The following LGMN variants were observed in gnomAD, a reference collection of about 807,000 sequenced individuals.
LGMN encodes the protein asparaginyl endopeptidase.
In LGMN, 36 loss-of-function variants were observed where a neutral mutation model predicts 56.8. The observed-to-expected ratio is 0.63, with a 90% CI of 0.49 to 0.84. The LOEUF (loss-of-function observed/expected upper bound fraction) is 0.84, where lower values mean the gene tolerates loss of function less well. Ranked by LOEUF, LGMN falls within the 40% of genes least tolerant of loss-of-function variation. The pLI is 0.00. For synonymous variants in LGMN, 199 were observed against 210.1 expected, an observed-to-expected ratio of 0.95 and a Z score of 0.46; for missense variants, 446 against 556.1, an observed-to-expected ratio of 0.80 and a Z score of 1.99.
chr14:92,720,152 C>T (rs186431861), intron 2 of LGMN, among the ~76,000 whole-genome samples: 4 of 152,242 alleles, frequency 2.6e-5, no homozygotes, highest in Admixed American at 6.5e-5. Context: ...CACTCAAGAG[C>T]GATTAGATGA....
Position 92,718,838 on chromosome 14 carries a change from C to T in LGMN, c.145G>A (p.Ala49Thr), listed in dbSNP as rs1172792499. ...GWYNYRHQAD[A>T]CHAYQIIHRN... The stretch of plus-strand genomic sequence containing the variant: ...TGAATGATCTGGTAGGCATGGCACG[C>T]GTCTGCCTGGGAGAAATGATTTGGT... Residue 49 changes from alanine (A) to threonine (T), a missense_variant, in exon 3 of 14, where the codon GCG becomes ACG. Ala to Thr is a moderately conservative substitution (Grantham distance 58). Coordinates refer to ENST00000334869, the MANE Select transcript of LGMN (RefSeq NM_005606.7). The T allele has an allele frequency of 8.1e-6, 13 of 1,611,356 alleles. No individual in the cohort carries two copies. The highest frequency in any genetic ancestry group is 1.3e-5 in the African/African-American group (1 of 74,836).
chr14:92,734,210 G>A (rs529054741), intron 1 of LGMN, among the ~76,000 whole-genome samples: 1 of 152,334 alleles, frequency 6.6e-6, no homozygotes, highest in African/African-American at 2.4e-5. Context: ...TAGGGTCTGA[G>A]AGCAATGACC....
chr14:92,710,110 G>A (rs1168098781), intron 10 of LGMN, among the ~76,000 whole-genome samples: 1 of 152,172 alleles, frequency 6.6e-6, no homozygotes, highest in Non-Finnish European at 1.5e-5. Flanking sequence ...CAATGCACGG[G>A]AGCCCCTGAA....
intron 1 of LGMN, among the ~76,000 whole-genome samples, chr14:92,744,886 G>A (rs1478237039): frequency 6.6e-6 from 1 of 152,110 alleles, no homozygotes; most frequent in African/African-American, 2.4e-5. Context: ...GAGCCACCGC[G>A]CCTGGCCTAT....
chr14:92,726,469 G>C (rs578248048), intron 2 of LGMN, among the ~76,000 whole-genome samples: 58 of 152,234 alleles, frequency 3.8e-4, no homozygotes, highest in African/African-American at 1.4e-3. Context: ...CCCCAGTCTT[G>C]AGCCAGACAG....
chr14:92,739,163 TA>T (rs1891439395), intron 1 of LGMN, among the ~76,000 whole-genome samples: 1 of 152,198 alleles, frequency 6.6e-6, no homozygotes, highest in Non-Finnish European at 1.5e-5. Flanking sequence ...TCAAAGTAGC[TA>T]CCTTACATGC....
chr14:92,744,199 C>T (rs1242098), intron 1 of LGMN, among the ~76,000 whole-genome samples: 3 of 151,888 alleles, frequency 2.0e-5, no homozygotes, highest in Admixed American at 2.0e-4. Context: ...TACTCAGCTT[C>T]GTTTATTGTT....
Position 92,706,508 on chromosome 14 carries a change from T to C in LGMN, c.1166A>G (p.His389Arg), listed in dbSNP as rs1331271414. Residue 389 changes from histidine to arginine, a missense_variant, in exon 12 of 14, where the codon CAC becomes CGC. Coordinates refer to ENST00000334869, the MANE Select transcript of LGMN (RefSeq NM_005606.7). ...YPEALLHFRT[H>R]CFNWHSPTYE... ...CGTGGGGGAGTGCCAGTTGAAGCAGTGGGTCCGGAAGTGCAGCAGGGCCTC... is the reference window on the plus strand; with the variant it reads ...CGTGGGGGAGTGCCAGTTGAAGCAGCGGGTCCGGAAGTGCAGCAGGGCCTC... 3 of 1,559,974 alleles carry C rather than the reference T, an allele frequency of 1.9e-6. No homozygotes were observed. The highest frequency in any genetic ancestry group is 2.6e-6 in the Non-Finnish European group (3 of 1,141,972).
At chr14:92,704,811 C>G (rs1889344468) in intron 12 of LGMN, 104 bp from the exon 13 acceptor site, 7 of 911,556 alleles carry the variant, frequency 7.7e-6, no homozygotes, top group Admixed American at 6.9e-5. Flanking sequence ...GTGGCTCTTG[C>G]CCTATTTTGG....
intron 1 of LGMN, among the ~76,000 whole-genome samples, chr14:92,734,566 G>A (rs997950488): frequency 6.6e-6 from 1 of 152,074 alleles, no homozygotes; most frequent in Non-Finnish European, 1.5e-5. Flanking sequence ...CTTGAATCCG[G>A]GAGGTGAAGG....
At chr14:92,717,752 G>A (rs1427151818) in intron 3 of LGMN, among the ~76,000 whole-genome samples, 3 of 152,202 alleles carry the variant, frequency 2.0e-5, no homozygotes, top group East Asian at 3.8e-4. Flanking sequence ...AGAGAGCATC[G>A]TGAGGGCAAG....
At chr14:92,725,077 T>C (rs967832188) in intron 2 of LGMN, among the ~76,000 whole-genome samples, 2 of 152,204 alleles carry the variant, frequency 1.3e-5, no homozygotes, top group Non-Finnish European at 2.9e-5. Context: ...AGAGAAGGAA[T>C]GACACCTGAG....
chr14:92,708,956 A>T (rs1889593646), intron 11 of LGMN, among the ~76,000 whole-genome samples: 1 of 151,798 alleles, frequency 6.6e-6, no homozygotes, highest in Non-Finnish European at 1.5e-5. Flanking sequence ...ATAAGGGCTA[A>T]CAGAGTTGGC....
intron 10 of LGMN, among the ~76,000 whole-genome samples, chr14:92,711,421 A>G (rs375080566): frequency 9.2e-5 from 14 of 152,224 alleles, no homozygotes; most frequent in East Asian, 5.8e-4. Flanking sequence ...GAGAAAACAA[A>G]TTCACAGAAG....
intron 1 of LGMN, 101 bp from the exon 2 acceptor site, chr14:92,732,916 CGAG>C: frequency 2.3e-6 from 2 of 859,752 alleles, no homozygotes; most frequent in Non-Finnish European, 3.5e-6. Flanking sequence ...TTTGGGAGGC[CGAG>C]GAGGGTGGAT....
chr14:92,738,440 G>A (rs1390489723), intron 1 of LGMN, among the ~76,000 whole-genome samples: 1 of 151,624 alleles, frequency 6.6e-6, no homozygotes, highest in African/African-American at 2.4e-5. Flanking sequence ...ACCATGCCTG[G>A]CTAATTTTTT....
chr14:92,746,758 C>T (rs1354730928), intron 1 of LGMN, among the ~76,000 whole-genome samples: 5 of 151,994 alleles, frequency 3.3e-5, no homozygotes, highest in African/African-American at 9.7e-5. Context: ...CACCACCAGC[C>T]GGGCGCGGTG....
chr14:92,730,947 AAAG>A (rs200210666), intron 2 of LGMN, among the ~76,000 whole-genome samples: 21,678 of 148,338 alleles, frequency 0.15, 1,573 homozygotes, highest in East Asian at 0.33. Flanking sequence ...AAAAAAAAAA[AAAG>A]AAGTTATTAA....
At chr14:92,722,612 A>G (rs1046647139) in intron 2 of LGMN, among the ~76,000 whole-genome samples, 1 of 152,272 alleles carries the variant, frequency 6.6e-6, no homozygotes, top group South Asian at 2.1e-4. Context: ...AAACTTTGAT[A>G]AATTGGCTTA....
Sources: gnomAD v4.1 joint callset for allele counts (sites outside exome capture counted in the v4.1 genomes callset) on GRCh38, gnomAD v4.1.1 for gene constraint, MANE v1.5 for transcripts, NCBI Gene and HGNC (gene_info 2026-07-23, HGNC 2026-07-21) for gene names.